Variants in STAT3 observed in about 807,000 individuals in gnomAD.
STAT3 encodes signal transducer and activator of transcription 3.
Under a neutral mutation model 114.3 loss-of-function variants are expected in STAT3, and 7 were observed. The ratio of observed to expected loss-of-function variants is 0.06; its 90% CI spans 0.03 to 0.11. The LOEUF (loss-of-function observed/expected upper bound fraction) is 0.11, where lower values mean the gene tolerates loss of function less well. STAT3 is among the 10% of genes least tolerant of loss of function. STAT3 has a pLI of 1.00. For synonymous variants in STAT3, 331 were observed against 354.5 expected (o/e 0.93, Z 0.74); for missense variants, 364 against 960.9 (o/e 0.38, Z 8.21).
intron 1 of STAT3, chr17:42,387,303 C>T (rs2085157534): frequency 6.6e-6 from 1 of 152,192 alleles, no homozygotes; most frequent in Admixed American, 6.5e-5. Flanking sequence ...TTCAGTGCAA[C>T]CACACCCCCC....
In STAT3 at chr17:42,315,533, A is replaced by AT. The variant is rs1192614406; in HGVS notation, c.*211dup. 2 of 629,650 alleles carry AT rather than the reference A, an allele frequency of 3.2e-6. No homozygotes were observed. Among genetic ancestry groups the AT allele is most frequent in the Admixed American group, 2.5e-5 (1 of 39,258 alleles). 39.0% of individuals were successfully genotyped at this position (629,650 alleles called of 1,614,324 possible). A position where few individuals can be genotyped will look rare whatever the true frequency, so the allele number is the denominator to read the frequency against. On this transcript the variant is annotated 3_prime_UTR_variant, in exon 24 of 24. Transcript: ENST00000264657. ...TCTCAGAGAACACATCCTTATTTGC[A>AT]TTTAGATAAAAGCAGATCACCCACA...
rs188036264 is a variant in STAT3 at position 42,341,400 on chromosome 17, C to T, written c.373-1991G>A. Among the ~76,000 whole-genome samples, 19 of 152,368 alleles carry T rather than the reference C, an allele frequency of 1.2e-4. 1 individual carries two copies. In the East Asian group the frequency reaches 1.7e-3, roughly 14 times the overall value. On this transcript the variant is annotated intron_variant, in intron 4 of 23. Coordinates refer to ENST00000264657, the MANE Select transcript of STAT3 (RefSeq NM_139276.3). Reference sequence around the variant, plus strand: ...CCCACCCGCTATCCACTCAGCATGGCCTGGGCTTCAGCCCAAACACACCTG... The same window carrying T: ...CCCACCCGCTATCCACTCAGCATGGTCTGGGCTTCAGCCCAAACACACCTG...
Position 42,324,628 on chromosome 17 carries a change from G to C in STAT3, c.1600+83C>G. 1.3e-6 allele frequency: 2 copies of C among 1,504,346 alleles called. No homozygotes were observed. The highest frequency in any genetic ancestry group is 1.8e-6 in the Non-Finnish European group (2 of 1,127,438). The allele number at this position is 1,504,346 out of a possible 1,614,324, so 93.2% of individuals were successfully genotyped here. ...AAGAAACATGGCCTAATGCTCAGTA[G>C]ACATGGCCCAAATGAACAGCCCTAT... On this transcript the variant is annotated intron_variant, in intron 17 of 23. Transcript: ENST00000264657. The surrounding 1 kb of genome is among the most constrained non-coding windows in gnomAD (Gnocchi z 4.5).
At position 42,329,593 on chromosome 17, in the gene STAT3, T is replaced by C. The variant is rs1200324873; in HGVS notation, c.1194A>G (p.Glu398=). ...GTNTKVMNME[E]SNNGSLSAEF... ...CTGCAGAGAGGCTGCCGTTGTTGGA[T>C]TCTTCCATGTTCATCACTTTTGTGT... Residue 398 remains glutamate, a synonymous_variant, in exon 13 of 24, where the codon GAA becomes GAG. Coordinates refer to ENST00000264657, the MANE Select transcript of STAT3 (RefSeq NM_139276.3). The C allele has an allele frequency of 6.2e-7, 1 of 1,614,260 alleles. No homozygotes were observed. The highest frequency in any genetic ancestry group is 8.5e-7 in the Non-Finnish European group (1 of 1,180,048).
chr17:42,329,838 T>G, intron 11 of STAT3, 62 bp from the exon 12 acceptor site: 1 of 1,576,774 alleles, frequency 6.3e-7, no homozygotes, highest in Non-Finnish European at 8.7e-7. Flanking sequence ...AAGCCTACTT[T>G]GACCACCTGT....
rs766528224 is a variant in STAT3, at chr17:42,324,935, G to A, written c.1464+28C>T. ...CCCCTAAGTCGCAAGAGATCCCGGG[G>A]CACCAACTAAAAGGAGGGGGCACTA... On this transcript the variant is annotated intron_variant, in intron 16 of 23. Coordinates refer to ENST00000264657, the MANE Select transcript of STAT3 (RefSeq NM_139276.3). The surrounding 1 kb of genome is among the most constrained non-coding windows in gnomAD (Gnocchi z 4.5). 3.1e-6 allele frequency: 5 copies of A among 1,613,950 alleles called. No homozygotes were observed. The South Asian group carries it at 3.3e-5, about 11-fold the overall frequency.
chr17:42,323,642 G>C lies in STAT3; in HGVS notation c.1601-17C>G. On this transcript the variant is annotated splice_polypyrimidine_tract_variant and intron_variant, in intron 17 of 23. Coordinates refer to ENST00000264657, the MANE Select transcript of STAT3 (RefSeq NM_139276.3). ...CACCAGGTCCTGAAGGAAAGAAAAA[G>C]AGTCAAGTAGTACATTTTCAGCTTG... 1.2e-6 allele frequency: 2 copies of C among 1,613,342 alleles called. No homozygotes were observed. The highest frequency in any genetic ancestry group is 1.7e-6 in the Non-Finnish European group (2 of 1,179,408).
intron 23 of STAT3, 61 bp from the exon 24 acceptor site, chr17:42,315,861 G>GC (rs1567701151): frequency 6.2e-7 from 1 of 1,612,692 alleles, no homozygotes; most frequent in African/African-American, 1.3e-5. Context: ...GGCAGGCCAC[G>GC]CCCCCAGCCC....
At chr17:42,366,857 C>A (rs1017791035) in intron 1 of STAT3, among the ~76,000 whole-genome samples, 10 of 151,890 alleles carry the variant, frequency 6.6e-5, no homozygotes, top group African/African-American at 2.4e-4. Context: ...AAATAAGAGT[C>A]CTGGCTGGCA....
rs371953916 is a variant in STAT3, at chr17:42,333,710, C to T, written c.1012G>A (p.Val338Ile). 4.3e-6 allele frequency: 7 copies of T among 1,613,992 alleles called. No individual in the cohort carries two copies. The highest frequency in any genetic ancestry group is 5.9e-6 in the Non-Finnish European group (7 of 1,180,028). Residue 338 changes from valine to isoleucine, a missense_variant, in exon 10 of 24, where the codon GTC (valine) becomes ATC (isoleucine). Physicochemically the swap from Val to Ile is conservative, Grantham distance 29. Transcript: ENST00000264657. The surrounding 1 kb of genome is among the most constrained non-coding windows in gnomAD (Gnocchi z 5.2). Reference protein sequence around the residue: ...CMPMHPDRPLVIKTGVQFTTK... With the variant: ...CMPMHPDRPLIIKTGVQFTTK... The stretch of plus-strand genomic sequence containing the variant: ...GTGAACTGGACGCCGGTCTTGATGA[C>T]GAGGGGCCGGTCAGGATGCATGGGC...
intron 3 of STAT3, among the ~76,000 whole-genome samples, chr17:42,346,312 A>T (rs1285837911): frequency 6.6e-6 from 1 of 152,226 alleles, no homozygotes; most frequent in Non-Finnish European, 1.5e-5. Context: ...GGACCGCGTT[A>T]ACATGCTAAC....
At chr17:42,327,806 C>T (rs1164564598) in intron 14 of STAT3, among the ~76,000 whole-genome samples, 3 of 152,182 alleles carry the variant, frequency 2.0e-5, no homozygotes, top group South Asian at 2.1e-4. Flanking sequence ...CCAGCACTTT[C>T]GGAGGCCGAG....
chr17:42,374,795 A>G (rs1357054597), intron 1 of STAT3, among the ~76,000 whole-genome samples: 2 of 152,214 alleles, frequency 1.3e-5, no homozygotes, highest in African/African-American at 2.4e-5. Context: ...GCAAACTTGG[A>G]ATCTTCAAAC....
Position 42,315,486 on chromosome 17 carries a change from C to T in STAT3, c.*259G>A, listed in dbSNP as rs530088285. On this transcript the variant is annotated 3_prime_UTR_variant, in exon 24 of 24. Coordinates refer to ENST00000264657, the MANE Select transcript of STAT3 (RefSeq NM_139276.3). ...CCTTTTTCTCCCTCTAGCCACCCCC[C>T]GCCACATCCCCTGATCATGGGTCTC... 1.5e-5 allele frequency: 9 copies of T among 589,230 alleles called. No individual in the cohort carries two copies. The highest frequency in any genetic ancestry group is 2.0e-5 in the South Asian group (1 of 49,736). 36.5% of individuals were successfully genotyped at this position (589,230 alleles called of 1,614,324 possible).
At chr17:42,332,537 CAAAAAAAAAAAAA>C (rs759010924) in intron 10 of STAT3, among the ~76,000 whole-genome samples, 19 of 40,790 alleles carry the variant, frequency 4.7e-4, no homozygotes, top group South Asian at 3.1e-3. Context: ...GACTCCATCT[CAAAAAAAAAAAAA>C]AAAAAAAAAA....
At chr17:42,378,162 A>G (rs2084574063) in intron 1 of STAT3, among the ~76,000 whole-genome samples, 1 of 147,592 alleles carries the variant, frequency 6.8e-6, no homozygotes, top group Non-Finnish European at 1.5e-5. Flanking sequence ...GATTATTCTT[A>G]ATCAGTTGAT....
intron 1 of STAT3, among the ~76,000 whole-genome samples, chr17:42,356,898 A>C (rs544909602): frequency 1.3e-5 from 2 of 152,096 alleles, no homozygotes; most frequent in South Asian, 4.1e-4. Flanking sequence ...AGTGATTCTC[A>C]TGCCTCAGCC....
rs2082662047 is a variant in STAT3 at position 42,345,612 on chromosome 17, G to A, written c.319C>T (p.Arg107Trp). ...AGGCGTGATTCTTCCCACAGGCACCGGGCCACAATCCGGGCAATCTCCATT... is the reference window on the plus strand; with the variant it reads ...AGGCGTGATTCTTCCCACAGGCACCAGGCCACAATCCGGGCAATCTCCATT... Reference protein sequence around the residue: ...KPMEIARIVARCLWEESRLLQ... With the variant: ...KPMEIARIVAWCLWEESRLLQ... The change falls in exon 4 of 24, where the codon CGG becomes TGG. Residue 107 changes from arginine (R) to tryptophan (W), a missense_variant. Arg to Trp is a moderately radical substitution (Grantham distance 101). Around this residue, in one of 5 missense-constraint regions of STAT3, gnomAD observed 294 missense variants for 745.1 expected, o/e 0.39. Coordinates refer to ENST00000264657, the MANE Select transcript of STAT3 (RefSeq NM_139276.3). The A allele has an allele frequency of 1.2e-6, 2 of 1,608,524 alleles. No homozygotes were observed. Among genetic ancestry groups the A allele is most frequent in the African/African-American group, 1.3e-5 (1 of 74,726 alleles).
intron 4 of STAT3, 102 bp downstream of exon 4, chr17:42,345,457 C>T (rs531812765): frequency 4.0e-6 from 4 of 1,000,010 alleles, no homozygotes; most frequent in Non-Finnish European, 4.6e-6. Context: ...TATTTAATTT[C>T]TTTTCCTTCT....
Sources: allele counts gnomAD v4.1 joint callset (sites outside exome capture counted in the v4.1 genomes callset), GRCh38; gene constraint gnomAD v4.1.1; regional missense constraint gnomAD v4.1.1; non-coding constraint Gnocchi (gnomAD v3.1); transcripts MANE v1.5; gene names NCBI Gene and HGNC (gene_info 2026-07-23, HGNC 2026-07-21).